The following ACAD11 variants were observed in gnomAD, a reference collection of about 807,000 sequenced individuals.
The protein encoded by ACAD11 is acyl-CoA dehydrogenase family member 11.
In ACAD11, 83 loss-of-function variants were observed where a neutral mutation model predicts 102.2. The ratio of observed to expected loss-of-function variants is 0.81; its 90% CI spans 0.68 to 0.97. The LOEUF is 0.97. Among genes scored for constraint, ACAD11 ranks in the 50% least tolerant of loss-of-function variants. The probability of loss-of-function intolerance (pLI) is 0.00; values close to 1 mark genes in which losing one functional copy is unlikely to be tolerated. For synonymous variants in ACAD11, 324 were observed against 319.8 expected, an observed-to-expected ratio of 1.01 and a Z score of -0.14; for missense variants, 901 against 951.7, an observed-to-expected ratio of 0.95 and a Z score of 0.70.
Position 132,618,785 on chromosome 3 carries a change from T to A in ACAD11, c.1276-13A>T. On this transcript the variant is annotated splice_polypyrimidine_tract_variant and intron_variant, in intron 10 of 19. Transcript: ENST00000264990. ...CTTTGGCCATTTCCTGTCAAGGTGA[T>A]GAACATGCCAGAGTGACCATAATTT... 1.3e-6 allele frequency: 2 copies of A among 1,569,206 alleles called. No individual in the cohort carries two copies. Among genetic ancestry groups the A allele is most frequent in the South Asian group, 1.2e-5 (1 of 82,848 alleles).
intron 11 of ACAD11, among the ~76,000 whole-genome samples, chr3:132,610,735 C>A (rs1939097135): frequency 6.6e-6 from 1 of 152,034 alleles, no homozygotes; most frequent in East Asian, 1.9e-4. Flanking sequence ...TAATTAATAA[C>A]CTACCAACCA....
intron 17 of ACAD11, among the ~76,000 whole-genome samples, chr3:132,561,629 T>C (rs1348372549): frequency 6.6e-6 from 1 of 152,194 alleles, no homozygotes; most frequent in Non-Finnish European, 1.5e-5. Context: ...ACTAGAAAAT[T>C]CTCAGCACAA....
At chr3:132,632,968 T>C (rs1459531289) in intron 5 of ACAD11, among the ~76,000 whole-genome samples, 1 of 152,216 alleles carries the variant, frequency 6.6e-6, no homozygotes, top group Non-Finnish European at 1.5e-5. Flanking sequence ...CTTAAGGAGA[T>C]TTTGGGCTGA....
chr3:132,584,686 A>C (rs886885171), intron 13 of ACAD11, among the ~76,000 whole-genome samples: 5 of 152,154 alleles, frequency 3.3e-5, no homozygotes, highest in African/African-American at 1.2e-4. Context: ...ATGTTTTTGC[A>C]GTGGCTGGTA....
intron 11 of ACAD11, among the ~76,000 whole-genome samples, chr3:132,606,500 G>C (rs1208996448): frequency 6.6e-6 from 1 of 151,990 alleles, no homozygotes; most frequent in East Asian, 1.9e-4. Context: ...ATCATTTACA[G>C]GTTGGAAAAA....
At chr3:132,568,586 A>G (rs1032857186) in intron 17 of ACAD11, among the ~76,000 whole-genome samples, 2 of 152,216 alleles carry the variant, frequency 1.3e-5, no homozygotes, top group Admixed American at 6.5e-5. Context: ...GAATCAGCCT[A>G]GCTTATTTGA....
chr3:132,577,988 C>T (rs1437354117), intron 15 of ACAD11, among the ~76,000 whole-genome samples: 1 of 152,198 alleles, frequency 6.6e-6, no homozygotes, highest in African/African-American at 2.4e-5. Flanking sequence ...TGCATCTTAA[C>T]TGATAAGTGA....
At chr3:132,616,676 G>C (rs915995752) in intron 11 of ACAD11, among the ~76,000 whole-genome samples, 1 of 152,026 alleles carries the variant, frequency 6.6e-6, no homozygotes, top group Non-Finnish European at 1.5e-5. Flanking sequence ...ACTATGAGTA[G>C]CAATCAAAAA....
At chr3:132,635,696 G>A (rs547785831) in intron 5 of ACAD11, among the ~76,000 whole-genome samples, 49 of 152,216 alleles carry the variant, frequency 3.2e-4, no homozygotes, top group African/African-American at 1.2e-3. Context: ...AAAGAACCTG[G>A]CACACAACAG....
chr3:132,654,062 C>T (rs1486179704), intron 1 of ACAD11, among the ~76,000 whole-genome samples: 2 of 152,142 alleles, frequency 1.3e-5, no homozygotes, highest in Admixed American at 1.3e-4. Context: ...CAAATTTCCC[C>T]CTCAAATCTG....
At chr3:132,586,326 C>T (rs1314948501) in intron 13 of ACAD11, among the ~76,000 whole-genome samples, 2 of 152,132 alleles carry the variant, frequency 1.3e-5, no homozygotes, top group Non-Finnish European at 2.9e-5. Context: ...GAACATCACA[C>T]ACCAGAGCCT....
intron 13 of ACAD11, among the ~76,000 whole-genome samples, chr3:132,587,864 G>A (rs909886539): frequency 2.6e-5 from 4 of 152,114 alleles, no homozygotes; most frequent in Non-Finnish European, 4.4e-5. Flanking sequence ...TTTGCCCTGC[G>A]CATTACTTTC....
Position 132,559,101 on chromosome 3 carries a change from A to G in ACAD11, c.2229-16T>C. ...TATAGCATACCTGAAAAAGCAAAAG[A>G]ATCAGGGAACACAGGGAGTTATGGA... On this transcript the variant is annotated splice_polypyrimidine_tract_variant and intron_variant, in intron 19 of 19. Coordinates refer to ENST00000264990, the MANE Select transcript of ACAD11 (RefSeq NM_032169.5). The G allele has an allele frequency of 6.4e-7, 1 of 1,569,098 alleles. No individual in the cohort carries two copies. Among genetic ancestry groups the G allele is most frequent in the South Asian group, 1.1e-5 (1 of 90,058 alleles).
Position 132,626,778 on chromosome 3 carries a change from T to C in ACAD11, c.1110A>G (p.Gly370=), listed in dbSNP as rs1313645586. The C allele has an allele frequency of 1.9e-6, 3 of 1,613,764 alleles. No homozygotes were observed. Among genetic ancestry groups the C allele is most frequent in the Non-Finnish European group, 2.5e-6 (3 of 1,179,908 alleles). ...STVLPQIDTT[G]QLFVQTRKGQ... ...CTTTCCGAGTCTGTACAAACAACTGTCCAGTAGTATCAATCTGTGGTAGTA... is the reference window on the plus strand; with the variant it reads ...CTTTCCGAGTCTGTACAAACAACTGCCCAGTAGTATCAATCTGTGGTAGTA... The change falls in exon 9 of 20, where the codon GGA becomes GGG. Residue 370 remains glycine (G), a synonymous_variant. Transcript: ENST00000264990.
At chr3:132,648,350 C>T (rs1238614216) in intron 1 of ACAD11, 2 of 152,114 alleles carry the variant, frequency 1.3e-5, no homozygotes, top group African/African-American at 4.8e-5. Flanking sequence ...GCCACCTTTA[C>T]CAAGTTTTCA....
At chr3:132,563,120 A>C (rs1024748925) in intron 17 of ACAD11, among the ~76,000 whole-genome samples, 4 of 152,212 alleles carry the variant, frequency 2.6e-5, no homozygotes, top group African/African-American at 7.2e-5. Context: ...CCTATGTAAA[A>C]AATTAATTGG....
At chr3:132,654,244 T>C (rs1002175954) in intron 1 of ACAD11, among the ~76,000 whole-genome samples, 8 of 152,332 alleles carry the variant, frequency 5.3e-5, no homozygotes, top group Middle Eastern at 3.4e-3. Context: ...TTCTGGAAAA[T>C]ATGTTGTTAA....
chr3:132,598,211 C>A (rs1938401107), intron 13 of ACAD11, among the ~76,000 whole-genome samples: 2 of 152,108 alleles, frequency 1.3e-5, no homozygotes, highest in Admixed American at 1.3e-4. Flanking sequence ...AAACAAAATT[C>A]AGCACTATAA....
chr3:132,566,256 T>C (rs1213937398), intron 17 of ACAD11, among the ~76,000 whole-genome samples: 3 of 69,560 alleles, frequency 4.3e-5, no homozygotes, highest in African/African-American at 1.9e-4. Context: ...GATAGGACAA[T>C]AGAAACAGCC....
Sources: allele counts gnomAD v4.1 joint callset (sites outside exome capture counted in the v4.1 genomes callset), GRCh38; gene constraint gnomAD v4.1.1; transcripts MANE v1.5; gene names NCBI Gene and HGNC (gene_info 2026-07-23, HGNC 2026-07-21).